SMYD3: variants seen among roughly 807,000 people sequenced by gnomAD.
SMYD3 encodes the protein histone-lysine N-methyltransferase SMYD3.
A neutral mutation model predicts 57.7 loss-of-function variants in SMYD3; 36 were observed. That is an observed-to-expected ratio of 0.62 (90% CI 0.48 to 0.82). SMYD3 has a LOEUF of 0.82. SMYD3 is among the 40% of genes least tolerant of loss of function. The pLI is 0.00. For missense variants in SMYD3, 515 were observed against 538.8 expected (o/e 0.96, Z 0.44); for synonymous variants, 211 against 195.0 (o/e 1.08, Z -0.68).
chr1:246,338,670 T>C (rs2065582221), intron 2 of SMYD3, among the ~76,000 whole-genome samples: 1 of 152,222 alleles, frequency 6.6e-6, no homozygotes, highest in African/African-American at 2.4e-5. Context: ...AAAAAGGAAA[T>C]GACATCTATA....
chr1:246,285,098 C>A (rs1382089478), intron 5 of SMYD3, among the ~76,000 whole-genome samples: 5 of 151,950 alleles, frequency 3.3e-5, no homozygotes, highest in African/African-American at 9.7e-5. Context: ...AATTTGTGGT[C>A]TTTTATCCCT....
intron 5 of SMYD3, among the ~76,000 whole-genome samples, chr1:246,018,430 C>T (rs988024023): frequency 1.3e-5 from 2 of 152,214 alleles, no homozygotes; most frequent in African/African-American, 4.8e-5. Context: ...AGGCACTCAA[C>T]TTGCTCTGCC....
chr1:246,431,890 A>C (rs1180488430), intron 1 of SMYD3, among the ~76,000 whole-genome samples: 1 of 152,224 alleles, frequency 6.6e-6, no homozygotes, highest in African/African-American at 2.4e-5. Flanking sequence ...CATATTTTAT[A>C]ATAGAAAGAG....
chr1:246,421,550 A>G (rs776447446), intron 1 of SMYD3, among the ~76,000 whole-genome samples: 1 of 152,192 alleles, frequency 6.6e-6, no homozygotes, highest in Non-Finnish European at 1.5e-5. Flanking sequence ...CAGAGCCCCC[A>G]GGTCTATATT....
At chr1:245,968,311 A>T (rs1412941166) in intron 5 of SMYD3, among the ~76,000 whole-genome samples, 1 of 149,562 alleles carries the variant, frequency 6.7e-6, no homozygotes, top group African/African-American at 2.5e-5. Context: ...TCCTCAAATG[A>T]ATCTATTCTC....
chr1:245,849,657 A>ATTTAT (rs541558113), intron 10 of SMYD3, among the ~76,000 whole-genome samples: 1 of 110,948 alleles, frequency 9.0e-6, no homozygotes, highest in Non-Finnish European at 1.9e-5. Flanking sequence ...ATTTTATATT[A>ATTTAT]TTTATTTTAT....
intron 5 of SMYD3, among the ~76,000 whole-genome samples, chr1:246,173,423 T>G (rs2062377846): frequency 6.6e-6 from 1 of 152,272 alleles, no homozygotes; most frequent in Non-Finnish European, 1.5e-5. Flanking sequence ...TAAATTAAGC[T>G]TAGCTTACTG....
At chr1:245,769,564 G>C (rs1474384117) in intron 10 of SMYD3, among the ~76,000 whole-genome samples, 1 of 152,200 alleles carries the variant, frequency 6.6e-6, no homozygotes, top group Non-Finnish European at 1.5e-5. Context: ...TAAAAGAGAT[G>C]TAAGAGATGT....
intron 5 of SMYD3, among the ~76,000 whole-genome samples, chr1:246,055,544 T>C (rs1276391418): frequency 6.6e-6 from 1 of 152,274 alleles, no homozygotes; most frequent in African/African-American, 2.4e-5. Context: ...CAAATAGGTA[T>C]TGGCACACCT....
At chr1:246,229,349 C>G (rs1160140791) in intron 5 of SMYD3, among the ~76,000 whole-genome samples, 1 of 151,992 alleles carries the variant, frequency 6.6e-6, no homozygotes, top group East Asian at 1.9e-4. Context: ...TAGTAATAAC[C>G]TATTGAATAA....
At position 246,035,828 on chromosome 1, in the gene SMYD3, G is replaced by T. The variant is rs9659067; in HGVS notation, c.532-105891C>A. On this transcript the variant is annotated intron_variant, in intron 5 of 11. Transcript: ENST00000490107. ...TAAATCCAGATTTGTCTTTTATTTT[G>T]ATCCTCTGATTGTCCAGGTGTTTAC... 4.8e-4 allele frequency among the ~76,000 whole-genome samples: 73 copies of T among 152,226 alleles called. 1 individual carries two copies. Among genetic ancestry groups the T allele is most frequent in the African/African-American group, 1.6e-3 (66 of 41,536 alleles).
At chr1:246,253,707 T>C (rs1282517996) in intron 5 of SMYD3, among the ~76,000 whole-genome samples, 1 of 152,230 alleles carries the variant, frequency 6.6e-6, no homozygotes, top group Non-Finnish European at 1.5e-5. Flanking sequence ...GTGTTGTAGG[T>C]GTGTATATCT....
intron 10 of SMYD3, among the ~76,000 whole-genome samples, chr1:245,799,643 C>T (rs1253928135): frequency 6.6e-6 from 1 of 152,206 alleles, no homozygotes; most frequent in African/African-American, 2.4e-5. Context: ...AAACTGGGTA[C>T]AGCACATTGT....
intron 5 of SMYD3, among the ~76,000 whole-genome samples, chr1:246,269,547 T>TTC (rs2064179055): frequency 6.6e-6 from 1 of 151,060 alleles, no homozygotes; most frequent in Admixed American, 6.6e-5. Flanking sequence ...TTTTTTCTTT[T>TTC]TTTTTTTTGT....
intron 5 of SMYD3, among the ~76,000 whole-genome samples, chr1:246,103,454 A>AC (rs2061055603): frequency 6.6e-6 from 1 of 151,700 alleles, no homozygotes; most frequent in African/African-American, 2.4e-5. Flanking sequence ...AAAAAAAAAA[A>AC]AGCTCGTGCT....
intron 10 of SMYD3, among the ~76,000 whole-genome samples, chr1:245,803,629 C>T (rs1028519349): frequency 2.0e-5 from 3 of 152,092 alleles, no homozygotes; most frequent in East Asian, 1.9e-4. Flanking sequence ...TGTAACAAAA[C>T]GACATTATAG....
At chr1:246,107,284 C>T (rs1225686060) in intron 5 of SMYD3, among the ~76,000 whole-genome samples, 5 of 149,602 alleles carry the variant, frequency 3.3e-5, no homozygotes, top group Admixed American at 2.7e-4. Context: ...AAGATTCCAT[C>T]GCAAAAAAAG....
chr1:245,795,824 C>T (rs979513732), intron 10 of SMYD3, among the ~76,000 whole-genome samples: 1 of 152,208 alleles, frequency 6.6e-6, no homozygotes, highest in African/African-American at 2.4e-5. Flanking sequence ...AAATACTATT[C>T]TCGGCCTTTT....
chr1:246,122,063 A>AT (rs2061432768), intron 5 of SMYD3, among the ~76,000 whole-genome samples: 1 of 131,622 alleles, frequency 7.6e-6, no homozygotes, highest in South Asian at 2.9e-4. Flanking sequence ...GAAAAGACTA[A>AT]TTAAAAAAAA....
Sources: allele counts gnomAD v4.1 joint callset (sites outside exome capture counted in the v4.1 genomes callset), GRCh38; gene constraint gnomAD v4.1.1; transcripts MANE v1.5; gene names NCBI Gene and HGNC (gene_info 2026-07-23, HGNC 2026-07-21).